Variants in NRXN3 observed in about 807,000 individuals in gnomAD.
The protein encoded by NRXN3 is neurexin III.
In NRXN3, 32 loss-of-function variants were observed where a neutral mutation model predicts 137.6. That is an observed-to-expected ratio of 0.23 (90% CI 0.18 to 0.31). The LOEUF (loss-of-function observed/expected upper bound fraction) is 0.31. NRXN3 is among the 10% of genes least tolerant of loss of function. NRXN3 has a pLI of 1.00. For missense variants in NRXN3, 1,574 were observed against 2,062.5 expected, an observed-to-expected ratio of 0.76 and a Z score of 4.59; for synonymous variants, 798 against 784.5, an observed-to-expected ratio of 1.02 and a Z score of -0.29.
At chr14:78,190,988 A>T (rs1049677556) in intron 1 of NRXN3, among the ~76,000 whole-genome samples, 1 of 152,096 alleles carries the variant, frequency 6.6e-6, no homozygotes, top group Non-Finnish European at 1.5e-5. Flanking sequence ...ACTCTCTTTT[A>T]TATATGAAAG....
At chr14:79,509,780 A>G (rs2153687961) in intron 16 of NRXN3, among the ~76,000 whole-genome samples, 1 of 152,256 alleles carries the variant, frequency 6.6e-6, no homozygotes, top group African/African-American at 2.4e-5. Flanking sequence ...AAAATTTTAA[A>G]AAGGGAAACA....
Position 78,709,306 on chromosome 14 carries a change from G to C in NRXN3, c.1311G>C (p.Val437=), listed in dbSNP as rs764474208. 3.7e-6 allele frequency: 6 copies of C among 1,614,122 alleles called. No homozygotes were observed. Among genetic ancestry groups the C allele is most frequent in the Non-Finnish European group, 5.1e-6 (6 of 1,180,014 alleles). ...DTKMKIYGEV[V]FKCENVATLD... ...AGATGAAAATCTATGGCGAAGTTGTGTTTAAGTGTGAGAATGTGGCCACAC... is the reference window on the plus strand; with the variant it reads ...AGATGAAAATCTATGGCGAAGTTGTCTTTAAGTGTGAGAATGTGGCCACAC... Residue 437 remains valine (V), a synonymous_variant, in exon 7 of 21, where the codon GTG becomes GTC. Transcript: ENST00000335750.
intron 15 of NRXN3, among the ~76,000 whole-genome samples, chr14:79,042,891 A>T (rs957184587): frequency 5.5e-5 from 8 of 146,054 alleles, no homozygotes; most frequent in African/African-American, 2.0e-4. Context: ...CAGCAAAAGG[A>T]TTTTTTTTTT....
At chr14:79,363,153 A>G (rs548645122) in intron 15 of NRXN3, among the ~76,000 whole-genome samples, 28 of 151,994 alleles carry the variant, frequency 1.8e-4, no homozygotes, top group African/African-American at 6.3e-4. Flanking sequence ...GGCGCCCACA[A>G]CCGCACCTGG....
intron 8 of NRXN3, among the ~76,000 whole-genome samples, chr14:78,763,759 C>T (rs995619282): frequency 1.3e-5 from 2 of 152,066 alleles, no homozygotes; most frequent in Non-Finnish European, 2.9e-5. Context: ...TCTGGGTCTC[C>T]CAGTGTTTCC....
chr14:78,988,757 A>AGG (rs1171319165), intron 15 of NRXN3, among the ~76,000 whole-genome samples: 2 of 128,720 alleles, frequency 1.6e-5, no homozygotes, highest in Non-Finnish European at 3.1e-5. Context: ...TTCTGTATGT[A>AGG]TGTGTGTATA....
chr14:79,667,593 A>G (rs2098570871), intron 17 of NRXN3, among the ~76,000 whole-genome samples: 1 of 152,116 alleles, frequency 6.6e-6, no homozygotes, highest in Non-Finnish European at 1.5e-5. Flanking sequence ...ATAGTTCTAT[A>G]GCAATCGGAA....
At chr14:78,482,276 G>A (rs559128334) in intron 4 of NRXN3, among the ~76,000 whole-genome samples, 16 of 152,300 alleles carry the variant, frequency 1.1e-4, no homozygotes, top group Admixed American at 3.3e-4. Flanking sequence ...CGTTGTCTAA[G>A]TGCTATTTGT....
chr14:78,502,126 C>A (rs2095889543), intron 4 of NRXN3, among the ~76,000 whole-genome samples: 1 of 152,132 alleles, frequency 6.6e-6, no homozygotes, highest in Non-Finnish European at 1.5e-5. Context: ...AGCTCTTTCC[C>A]CCAGCACAGA....
rs2098458715 is a variant in NRXN3 at position 79,647,713 on chromosome 14, G to T, written c.3445-16065G>T. Among the ~76,000 whole-genome samples the T allele has an allele frequency of 1.5e-5, 2 of 135,592 alleles. 1 individual carries two copies. The highest frequency in any genetic ancestry group is 4.9e-5 in the African/African-American group (2 of 40,744). 89.0% of individuals were successfully genotyped at this position (135,592 alleles called of 152,430 possible). On this transcript the variant is annotated intron_variant, in intron 16 of 20. Coordinates refer to ENST00000335750, the MANE Select transcript of NRXN3 (RefSeq NM_001330195.2). ...ATTTTGGCAGGCACTTCAGATGTGTGTATGATTTTATGATCAGGTCTGCTT... is the reference window on the plus strand; with the variant it reads ...ATTTTGGCAGGCACTTCAGATGTGTTTATGATTTTATGATCAGGTCTGCTT...
chr14:78,466,026 T>G (rs777226437), intron 4 of NRXN3, among the ~76,000 whole-genome samples: 1 of 151,724 alleles, frequency 6.6e-6, no homozygotes, highest in Admixed American at 6.6e-5. Context: ...TAATTTTTTT[T>G]GTATTTTTAG....
intron 10 of NRXN3, among the ~76,000 whole-genome samples, chr14:78,930,625 T>C (rs2099318954): frequency 6.6e-6 from 1 of 152,184 alleles, no homozygotes; most frequent in Non-Finnish European, 1.5e-5. Flanking sequence ...GGGATTTTTA[T>C]ATACTTTTAT....
At chr14:78,787,219 A>G (rs1427792882) in intron 8 of NRXN3, among the ~76,000 whole-genome samples, 2 of 152,172 alleles carry the variant, frequency 1.3e-5, no homozygotes. Context: ...TTGTGAAACA[A>G]CTGCCAGGAA....
chr14:79,452,112 C>T (rs988395628), intron 15 of NRXN3, among the ~76,000 whole-genome samples: 3 of 151,290 alleles, frequency 2.0e-5, no homozygotes, highest in African/African-American at 7.4e-5. Context: ...GGACAAGTAT[C>T]CCATCATTAA....
intron 15 of NRXN3, among the ~76,000 whole-genome samples, chr14:79,065,090 A>T (rs1169942466): frequency 6.6e-6 from 1 of 152,034 alleles, no homozygotes; most frequent in Admixed American, 6.6e-5. Context: ...ATATATATAT[A>T]TACATCTAGA....
At chr14:78,405,837 G>A (rs914869850) in intron 4 of NRXN3, among the ~76,000 whole-genome samples, 1 of 152,174 alleles carries the variant, frequency 6.6e-6, no homozygotes, top group Admixed American at 6.5e-5. Context: ...CATACTCAGG[G>A]TGTCAAACCC....
intron 15 of NRXN3, among the ~76,000 whole-genome samples, chr14:79,268,990 G>A (rs1022039267): frequency 3.3e-5 from 5 of 151,686 alleles, no homozygotes; most frequent in Admixed American, 2.6e-4. Flanking sequence ...CCATTGTTGT[G>A]GTTATTAACT....
intron 17 of NRXN3, among the ~76,000 whole-genome samples, chr14:79,687,101 C>A (rs915964878): frequency 9.2e-5 from 14 of 152,182 alleles, no homozygotes; most frequent in Admixed American, 2.6e-4. Context: ...ATAAATAGTT[C>A]TTTTTCCTTC....
chr14:78,255,191 A>C (rs2069361370), intron 2 of NRXN3, among the ~76,000 whole-genome samples: 1 of 151,318 alleles, frequency 6.6e-6, no homozygotes, highest in African/African-American at 2.4e-5. Flanking sequence ...AAAAAAAAGG[A>C]ACCCGTCTCA....
Sources: gnomAD v4.1 joint callset for allele counts (sites outside exome capture counted in the v4.1 genomes callset) on GRCh38, gnomAD v4.1.1 for gene constraint, MANE v1.5 for transcripts, NCBI Gene and HGNC (gene_info 2026-07-23, HGNC 2026-07-21) for gene names.